Variants in PEX5L observed in about 807,000 individuals in gnomAD.
PEX5L encodes the protein peroxisomal biogenesis factor 5 like.
In PEX5L, 30 loss-of-function variants were observed where a neutral mutation model predicts 84.0. That is an observed-to-expected ratio of 0.36 (90% CI 0.27 to 0.48). The LOEUF (loss-of-function observed/expected upper bound fraction) is 0.48. Among genes scored for constraint, PEX5L ranks in the 20% least tolerant of loss-of-function variants. PEX5L has a pLI of 0.99. For synonymous variants in PEX5L, 270 were observed against 283.1 expected, an observed-to-expected ratio of 0.95 and a Z score of 0.46; for missense variants, 533 against 754.6, an observed-to-expected ratio of 0.71 and a Z score of 3.44.
At chr3:179,819,822 G>T (rs1207216400) in intron 9 of PEX5L, 38 bp downstream of exon 9, 3 of 1,579,800 alleles carry the variant, frequency 1.9e-6, no homozygotes, top group Non-Finnish European at 2.6e-6. Flanking sequence ...AAAAGGTGGA[G>T]AAAAGTAGTC....
chr3:179,828,538 A>G (rs967914439), intron 8 of PEX5L, among the ~76,000 whole-genome samples: 1 of 152,156 alleles, frequency 6.6e-6, no homozygotes, highest in Non-Finnish European at 1.5e-5. Flanking sequence ...ATTTCTGGAC[A>G]TAAGGAAACA....
At chr3:179,979,147 A>G (rs1436753329) in intron 1 of PEX5L, among the ~76,000 whole-genome samples, 1 of 152,212 alleles carries the variant, frequency 6.6e-6, no homozygotes, top group Non-Finnish European at 1.5e-5. Flanking sequence ...ATTCAACTTG[A>G]AATTTCAATT....
chr3:180,006,120 T>C (rs554441296), intron 1 of PEX5L, among the ~76,000 whole-genome samples: 12 of 152,312 alleles, frequency 7.9e-5, no homozygotes, highest in African/African-American at 2.9e-4. Context: ...GTATTCATTG[T>C]TCTCAGGTTG....
chr3:179,848,566 AAAAG>A lies in PEX5L; in HGVS notation c.822+10492_822+10495del, dbSNP rs1364657316. Among the ~76,000 whole-genome samples the A allele has an allele frequency of 7.6e-3, 1,155 of 151,560 alleles. 15 individuals carry two copies. The highest frequency in any genetic ancestry group is 0.027 in the African/African-American group (1,107 of 41,076). ...AAACCTCTCTCAAAAAAAAAAAAAA[AAAAG>A]AAAAGAAGAATTAATAGCAACTTCT... On this transcript the variant is annotated intron_variant, in intron 8 of 14. Coordinates refer to ENST00000467460, the MANE Select transcript of PEX5L (RefSeq NM_016559.3).
chr3:179,973,567 T>A (rs1035392343), intron 1 of PEX5L: 2 of 976,474 alleles, frequency 2.0e-6, no homozygotes, highest in Admixed American at 1.2e-4. Context: ...GCATATGGAC[T>A]CTTCAGCCTC....
rs1261936213 is a variant in PEX5L, at chr3:179,797,154, T to TAA, written c.*4672_*4673dup. 1 of 152,218 alleles carries TAA rather than the reference T, an allele frequency of 6.6e-6. No homozygotes were observed. The highest frequency in any genetic ancestry group is 1.5e-5 in the Non-Finnish European group (1 of 68,032). 9.4% of individuals were successfully genotyped at this position (152,218 alleles called of 1,614,324 possible). A position where few individuals can be genotyped will look rare whatever the true frequency, so the allele number is the denominator to read the frequency against. ...TAGCATTCAGACACTTGGATTTGTT[T>TAA]AAGTTTGGGATCTGTTGTGCCTCAA... On this transcript the variant is annotated 3_prime_UTR_variant, in exon 15 of 15. Coordinates refer to ENST00000467460, the MANE Select transcript of PEX5L (RefSeq NM_016559.3).
chr3:179,911,031 G>A (rs981724842), intron 2 of PEX5L, among the ~76,000 whole-genome samples: 5 of 152,108 alleles, frequency 3.3e-5, no homozygotes, highest in African/African-American at 4.8e-5. Flanking sequence ...GAAGATGAGA[G>A]GCTAGCCTAG....
chr3:179,953,252 G>C (rs982911208), intron 2 of PEX5L, among the ~76,000 whole-genome samples: 1 of 152,162 alleles, frequency 6.6e-6, no homozygotes, highest in African/African-American at 2.4e-5. Flanking sequence ...ATTGACAAAT[G>C]GGATCTAATT....
intron 1 of PEX5L, among the ~76,000 whole-genome samples, chr3:179,980,635 A>G (rs1786237863): frequency 6.6e-6 from 1 of 152,206 alleles, no homozygotes; most frequent in Non-Finnish European, 1.5e-5. Context: ...ATCCTTCATG[A>G]ATAAAGAATT....
intron 2 of PEX5L, among the ~76,000 whole-genome samples, chr3:179,969,427 G>A (rs1322002555): frequency 6.6e-6 from 1 of 151,698 alleles, no homozygotes; most frequent in Non-Finnish European, 1.5e-5. Flanking sequence ...ACGAGATGAG[G>A]CAATATTCAT....
intron 1 of PEX5L, among the ~76,000 whole-genome samples, chr3:180,001,455 G>T (rs1189197166): frequency 4.0e-5 from 6 of 150,396 alleles, no homozygotes; most frequent in Non-Finnish European, 7.4e-5. Context: ...AACGAACTTG[G>T]TAAATAAACT....
intron 8 of PEX5L, among the ~76,000 whole-genome samples, chr3:179,844,191 C>T (rs1032115607): frequency 6.6e-6 from 1 of 152,080 alleles, no homozygotes; most frequent in African/African-American, 2.4e-5. Flanking sequence ...GTGTTCTCAC[C>T]CATTTCAGGC....
At chr3:179,984,853 T>C (rs1404898548) in intron 1 of PEX5L, among the ~76,000 whole-genome samples, 1 of 152,210 alleles carries the variant, frequency 6.6e-6, no homozygotes, top group Non-Finnish European at 1.5e-5. Flanking sequence ...TATCCTTTAA[T>C]CTTCATAGGC....
intron 7 of PEX5L, among the ~76,000 whole-genome samples, chr3:179,866,138 A>C (rs1203526448): frequency 5.3e-5 from 8 of 152,186 alleles, no homozygotes; most frequent in Non-Finnish European, 1.2e-4. Flanking sequence ...GTAAAGAGAG[A>C]GAAGAAAGGA....
chr3:180,023,029 C>T lies in PEX5L; in HGVS notation c.21+13550G>A, dbSNP rs1790556576. The stretch of plus-strand genomic sequence containing the variant: ...AAAACTTGCAAAATCATTTTATCTC[C>T]TGTTAGTTGAGTCATTTTGCAGCGG... On this transcript the variant is annotated intron_variant, in intron 1 of 14. Transcript: ENST00000467460. Among the ~76,000 whole-genome samples, 3 of 152,300 alleles carry T rather than the reference C, an allele frequency of 2.0e-5. No homozygotes were observed. In the South Asian group the frequency reaches 6.2e-4, roughly 32 times the overall value.
Position 179,896,139 on chromosome 3 carries a change from T to C in PEX5L, c.198+2003A>G, listed in dbSNP as rs186493479. 3.3e-5 allele frequency: 5 copies of C among 152,298 alleles called. No individual in the cohort carries two copies. In the East Asian group the frequency reaches 9.6e-4, roughly 29 times the overall value. 9.4% of individuals were successfully genotyped at this position (152,298 alleles called of 1,614,324 possible). A position where few individuals can be genotyped will look rare whatever the true frequency, so the allele number is the denominator to read the frequency against. On this transcript the variant is annotated intron_variant, in intron 3 of 14. Coordinates refer to ENST00000467460, the MANE Select transcript of PEX5L (RefSeq NM_016559.3). ...CTTCTTTTTGGTTTGTGCATGCCAC[T>C]GGTGCATAGCAGGGAAGAAGCCACT...
At chr3:180,014,314 T>C (rs1789741637) in intron 1 of PEX5L, among the ~76,000 whole-genome samples, 1 of 151,868 alleles carries the variant, frequency 6.6e-6, no homozygotes. Context: ...CTACTAAAAA[T>C]ACAAAAAATT....
Position 179,799,667 on chromosome 3 carries a change from T to C in PEX5L, c.*2161A>G, listed in dbSNP as rs1335888724. The C allele has an allele frequency of 3.9e-5, 6 of 152,264 alleles. No homozygotes were observed. The East Asian group carries it at 5.8e-4, about 15-fold the overall frequency. 9.4% of individuals were successfully genotyped at this position (152,264 alleles called of 1,614,324 possible). On this transcript the variant is annotated 3_prime_UTR_variant, in exon 15 of 15. Coordinates refer to ENST00000467460, the MANE Select transcript of PEX5L (RefSeq NM_016559.3). Reference sequence around the variant, plus strand: ...CAATCCTTTGTCCATGAACTATTCATGCCGACTTTCTGGTCAAGGTACAGA... The same window carrying C: ...CAATCCTTTGTCCATGAACTATTCACGCCGACTTTCTGGTCAAGGTACAGA...
chr3:179,856,539 A>G (rs758001598), intron 8 of PEX5L, among the ~76,000 whole-genome samples: 6 of 152,004 alleles, frequency 3.9e-5, no homozygotes, highest in Non-Finnish European at 5.9e-5. Flanking sequence ...TATTTCCAAG[A>G]CTCTTCTGAG....
Sources: allele counts gnomAD v4.1 joint callset (sites outside exome capture counted in the v4.1 genomes callset), GRCh38; gene constraint gnomAD v4.1.1; transcripts MANE v1.5; gene names NCBI Gene and HGNC (gene_info 2026-07-23, HGNC 2026-07-21).